SLC9A4: variants seen among roughly 807,000 people sequenced by gnomAD.
SLC9A4 encodes the protein solute carrier family 9 member A4.
SLC9A4 carries 63 observed loss-of-function variants against 67.4 expected under a neutral mutation model. That is an observed-to-expected ratio of 0.93 (90% CI 0.76 to 1.15). SLC9A4 has a LOEUF of 1.15. SLC9A4 is among the 50% of genes most tolerant of loss of function. SLC9A4 has a pLI of 0.00. For missense variants in SLC9A4, 1,089 were observed against 987.7 expected (o/e 1.10, Z -1.38); for synonymous variants, 393 against 367.2 (o/e 1.07, Z -0.80).
intron 1 of SLC9A4, among the ~76,000 whole-genome samples, chr2:102,475,936 T>C (rs892520854): frequency 6.6e-6 from 1 of 152,230 alleles, no homozygotes; most frequent in Non-Finnish European, 1.5e-5. Flanking sequence ...AGAATAAAAT[T>C]AATAATCATT....
intron 6 of SLC9A4, among the ~76,000 whole-genome samples, chr2:102,509,517 C>T (rs1348636202): frequency 6.6e-6 from 1 of 152,222 alleles, no homozygotes; most frequent in Non-Finnish European, 1.5e-5. Flanking sequence ...CTCCCTACCA[C>T]AGTCTGCCGT....
intron 6 of SLC9A4, among the ~76,000 whole-genome samples, chr2:102,509,299 C>A (rs1685110679): frequency 6.6e-6 from 1 of 152,204 alleles, no homozygotes; most frequent in African/African-American, 2.4e-5. Flanking sequence ...ATCCCTCCAA[C>A]AATGATCCTT....
chr2:102,506,080 TAA>T (rs1685044990), intron 4 of SLC9A4, among the ~76,000 whole-genome samples: 1 of 152,238 alleles, frequency 6.6e-6, no homozygotes, highest in Admixed American at 6.5e-5. Context: ...TGAATATTTT[TAA>T]AAGAGCTTCG....
chr2:102,523,635 A>G (rs1371506843), intron 9 of SLC9A4, among the ~76,000 whole-genome samples: 4 of 152,184 alleles, frequency 2.6e-5, no homozygotes, highest in Admixed American at 2.0e-4. Flanking sequence ...GCACCCTCCT[A>G]AAAAGCACAT....
intron 11 of SLC9A4, among the ~76,000 whole-genome samples, chr2:102,531,102 G>A (rs7571985): frequency 0.17 from 21,670 of 129,226 alleles, 1,996 homozygotes; most frequent in African/African-American, 0.28. Flanking sequence ...TTGCTCTGTC[G>A]CCAAATCTGG....
chr2:102,500,655 C>T (rs1279883462), intron 2 of SLC9A4, among the ~76,000 whole-genome samples: 1 of 152,194 alleles, frequency 6.6e-6, no homozygotes, highest in Non-Finnish European at 1.5e-5. Flanking sequence ...CCCAGGGCCA[C>T]TCTGTATGAT....
intron 7 of SLC9A4, among the ~76,000 whole-genome samples, chr2:102,513,390 A>G (rs1685206501): frequency 6.6e-6 from 1 of 152,192 alleles, no homozygotes; most frequent in Non-Finnish European, 1.5e-5. Context: ...TGAATGTAAA[A>G]TGATTGAAAG....
At chr2:102,491,340 T>C (rs1230576334) in intron 2 of SLC9A4, among the ~76,000 whole-genome samples, 1 of 143,318 alleles carries the variant, frequency 7.0e-6, no homozygotes, top group African/African-American at 2.6e-5. Flanking sequence ...TTTTTTTTTT[T>C]TTTTTTTTTT....
Position 102,514,151 on chromosome 2 carries a change from T to C in SLC9A4, c.1621T>C (p.Ser541Pro). ...KILIRKNLPK[S>P]SIVSLYKKLE... The stretch of plus-strand genomic sequence containing the variant: ...CCTCATCAGAAAGAACCTACCCAAA[T>C]CAAGCATTGTTTCTTTGTACAAGAA... The change falls in exon 8 of 12, where the codon TCA becomes CCA. Residue 541 changes from serine (S) to proline (P), a missense_variant. By Grantham distance (74) the Ser-to-Pro change is moderately conservative. Transcript: ENST00000295269. 1 of 1,614,080 alleles carries C rather than the reference T, an allele frequency of 6.2e-7. No homozygotes were observed. Among genetic ancestry groups the C allele is most frequent in the South Asian group, 1.1e-5 (1 of 91,084 alleles).
At chr2:102,510,511 C>G (rs940421881) in intron 6 of SLC9A4, among the ~76,000 whole-genome samples, 1 of 152,162 alleles carries the variant, frequency 6.6e-6, no homozygotes, top group African/African-American at 2.4e-5. Context: ...ATCAGTCCCA[C>G]CCAGATTATC....
At chr2:102,503,361 A>T in intron 2 of SLC9A4, 87 bp from the exon 3 acceptor site, 6 of 1,250,444 alleles carry the variant, frequency 4.8e-6, no homozygotes, top group Non-Finnish European at 6.5e-6. Flanking sequence ...TGTATTACTT[A>T]ACTAGACACA....
At chr2:102,530,818 G>T (rs2104452613) in intron 11 of SLC9A4, among the ~76,000 whole-genome samples, 1 of 152,304 alleles carries the variant, frequency 6.6e-6, no homozygotes, top group Non-Finnish European at 1.5e-5. Context: ...TTTATTGAAA[G>T]AAGTTGGTCT....
At chr2:102,520,960 G>T (rs1055383600) in intron 9 of SLC9A4, among the ~76,000 whole-genome samples, 9 of 152,212 alleles carry the variant, frequency 5.9e-5, no homozygotes, top group Middle Eastern at 3.2e-3. Flanking sequence ...TCAGTGAAAG[G>T]CTCTGCACCA....
chr2:102,499,733 CCTT>C (rs1279776926), intron 2 of SLC9A4, among the ~76,000 whole-genome samples: 1 of 152,208 alleles, frequency 6.6e-6, no homozygotes, highest in African/African-American at 2.4e-5. Flanking sequence ...CCTATTATAA[CCTT>C]CTGCCCACAT....
chr2:102,496,664 C>A (rs571504496), intron 2 of SLC9A4, among the ~76,000 whole-genome samples: 15 of 151,900 alleles, frequency 9.9e-5, no homozygotes, highest in African/African-American at 3.6e-4. Context: ...TAGGGAAAGG[C>A]AAGAATGTTG....
intron 2 of SLC9A4, among the ~76,000 whole-genome samples, chr2:102,481,890 C>G (rs1166467295): frequency 9.2e-6 from 1 of 108,760 alleles, no homozygotes; most frequent in Non-Finnish European, 1.9e-5. Context: ...ATTTGGCAAG[C>G]AAGATCTTTT....
chr2:102,517,134 C>T (rs927641738), intron 8 of SLC9A4, among the ~76,000 whole-genome samples: 2 of 152,138 alleles, frequency 1.3e-5, no homozygotes, highest in Non-Finnish European at 2.9e-5. Context: ...TGAGGAGCAG[C>T]ATCATCTCAG....
chr2:102,520,586 G>A (rs1685386508), intron 9 of SLC9A4, among the ~76,000 whole-genome samples: 1 of 152,110 alleles, frequency 6.6e-6, no homozygotes, highest in South Asian at 2.1e-4. Context: ...GTCATATAAT[G>A]ACAAGTTTTT....
intron 1 of SLC9A4, among the ~76,000 whole-genome samples, chr2:102,475,398 C>CTAGGAAA (rs1354182635): frequency 1.3e-5 from 2 of 152,188 alleles, no homozygotes; most frequent in African/African-American, 4.8e-5. Context: ...AATCTGAGTA[C>CTAGGAAA]CAGGAAACTC....
Sources: allele counts gnomAD v4.1 joint callset (sites outside exome capture counted in the v4.1 genomes callset), GRCh38; gene constraint gnomAD v4.1.1; transcripts MANE v1.5; gene names NCBI Gene and HGNC (gene_info 2026-07-23, HGNC 2026-07-21).